MCC: variants seen among roughly 807,000 people sequenced by gnomAD.
The protein encoded by MCC is MCC regulator of Wnt signaling pathway.
MCC carries 90 observed loss-of-function variants against 116.2 expected under a neutral mutation model. That is an observed-to-expected ratio of 0.77 (90% CI 0.65 to 0.92). MCC has a LOEUF of 0.92. Ranked by LOEUF, MCC falls within the 40% of genes least tolerant of loss-of-function variation. MCC has a pLI of 0.00. For synonymous variants in MCC, 578 were observed against 510.5 expected, an observed-to-expected ratio of 1.13 and a Z score of -1.78; for missense variants, 1,516 against 1,312.2, an observed-to-expected ratio of 1.16 and a Z score of -2.40.
At chr5:113,428,906 T>C (rs1770550471) in intron 1 of MCC, 1 of 152,230 alleles carries the variant, frequency 6.6e-6, no homozygotes, top group South Asian at 2.1e-4. Context: ...CTAGGTTCAC[T>C]TATTTTAAAA....
intron 7 of MCC, among the ~76,000 whole-genome samples, chr5:113,102,241 C>T (rs1020194652): frequency 2.0e-5 from 3 of 152,204 alleles, no homozygotes; most frequent in Non-Finnish European, 4.4e-5. Context: ...GACACATCCA[C>T]ACAATGCTTA....
chr5:113,105,986 T>G (rs1756707385), intron 6 of MCC, among the ~76,000 whole-genome samples: 1 of 152,152 alleles, frequency 6.6e-6, no homozygotes, highest in Non-Finnish European at 1.5e-5. Context: ...CCAGACCAAT[T>G]AAATCACAAT....
chr5:113,382,270 CT>C (rs112153904), intron 2 of MCC, among the ~76,000 whole-genome samples: 2,698 of 136,154 alleles, frequency 0.02, 19 homozygotes, highest in Non-Finnish European at 0.027. Context: ...AATTATTGTC[CT>C]TTTTTTTTTT....
At chr5:113,393,004 T>C (rs531982888) in intron 1 of MCC, among the ~76,000 whole-genome samples, 32 of 152,136 alleles carry the variant, frequency 2.1e-4, no homozygotes, top group African/African-American at 7.7e-4. Context: ...AAGAATGACA[T>C]AAACAATATG....
intron 3 of MCC, among the ~76,000 whole-genome samples, chr5:113,275,406 T>C (rs191724095): frequency 8.4e-4 from 128 of 152,344 alleles, no homozygotes; most frequent in Non-Finnish European, 1.3e-4. Flanking sequence ...TCATTATTTA[T>C]AGGAAGTCAC....
At chr5:113,079,483 G>C (rs1341063265) in intron 11 of MCC, among the ~76,000 whole-genome samples, 1 of 152,150 alleles carries the variant, frequency 6.6e-6, no homozygotes, top group Non-Finnish European at 1.5e-5. Context: ...GAACAGAATA[G>C]AGCCCTCAGA....
chr5:113,126,872 G>A (rs1758082793), intron 5 of MCC, among the ~76,000 whole-genome samples: 1 of 152,026 alleles, frequency 6.6e-6, no homozygotes, highest in African/African-American at 2.4e-5. Context: ...ATATTGTTGG[G>A]GTTTTTTAAA....
chr5:113,225,757 G>C (rs1014933285), intron 3 of MCC, among the ~76,000 whole-genome samples: 1 of 152,212 alleles, frequency 6.6e-6, no homozygotes, highest in Non-Finnish European at 1.5e-5. Flanking sequence ...CCAGGAAGCA[G>C]TGAGAACAAT....
intron 3 of MCC, among the ~76,000 whole-genome samples, chr5:113,241,111 A>C (rs1764347120): frequency 6.6e-6 from 1 of 152,218 alleles, no homozygotes. Flanking sequence ...TAGTAATAAT[A>C]AGCTCTGAGC....
chr5:113,091,202 A>G (rs971902501), intron 8 of MCC, among the ~76,000 whole-genome samples: 9 of 152,216 alleles, frequency 5.9e-5, no homozygotes, highest in African/African-American at 1.9e-4. Flanking sequence ...CCAAATTTAT[A>G]CTATCTGCAT....
intron 2 of MCC, among the ~76,000 whole-genome samples, chr5:113,360,904 C>A (rs1212676495): frequency 6.6e-6 from 1 of 152,182 alleles, no homozygotes; most frequent in East Asian, 1.9e-4. Flanking sequence ...CCCTGGATGT[C>A]CTACTCCTGC....
chr5:113,487,136 C>T lies in MCC; in HGVS notation c.170+1109G>A, dbSNP rs79415445. On this transcript the variant is annotated intron_variant, in intron 1 of 18. Coordinates refer to ENST00000408903, the MANE Select transcript of MCC (RefSeq NM_001085377.2). ...ATTCACCTAAGAATGATCAAAATTG[C>T]GTTGAGTCCCAAATAAATAATTTTT... Among the ~76,000 whole-genome samples the T allele has an allele frequency of 8.4e-3, 1,277 of 151,410 alleles. 22 individuals carry two copies. Among genetic ancestry groups the T allele is most frequent in the African/African-American group, 0.03 (1,226 of 41,284 alleles).
At chr5:113,424,720 T>A (rs868765941) in intron 1 of MCC, among the ~76,000 whole-genome samples, 1 of 151,586 alleles carries the variant, frequency 6.6e-6, no homozygotes, top group South Asian at 2.1e-4. Context: ...CTCAAAAAAA[T>A]TTTTTTTAAA....
intron 15 of MCC, among the ~76,000 whole-genome samples, chr5:113,051,496 A>G (rs950467218): frequency 1.3e-5 from 2 of 152,212 alleles, no homozygotes; most frequent in African/African-American, 4.8e-5. Flanking sequence ...ACCTGGGTGG[A>G]TGACTTGAGC....
intron 3 of MCC, among the ~76,000 whole-genome samples, chr5:113,324,519 T>C (rs1462246177): frequency 6.6e-6 from 1 of 152,198 alleles, no homozygotes. Context: ...CCTATGCCCA[T>C]ATGTAAAATA....
intron 3 of MCC, among the ~76,000 whole-genome samples, chr5:113,215,576 G>T (rs1426875263): frequency 6.6e-6 from 1 of 152,114 alleles, no homozygotes; most frequent in African/African-American, 2.4e-5. Context: ...TGGCGGGGGA[G>T]GGCGGTTCGG....
chr5:113,333,817 G>GTATATATGTATATATGTACATATATA lies in MCC; in HGVS notation c.627+6701_627+6702insTATATATGTACATATATACATATATA, dbSNP rs1561527743. On this transcript the variant is annotated intron_variant, in intron 3 of 18. Transcript: ENST00000408903. The stretch of plus-strand genomic sequence containing the variant: ...TATATATATGTATATATGTATATAT[G>GTATATATGTATATATGTACATATATA]TACATATATGTATATATGTATATAT... Among the ~76,000 whole-genome samples the GTATATATGTATATATGTACATATATA allele has an allele frequency of 1.8e-5, 2 of 111,268 alleles. 1 individual carries two copies. The highest frequency in any genetic ancestry group is 8.4e-5 in the African/African-American group (2 of 23,676). 73.0% of individuals were successfully genotyped at this position (111,268 alleles called of 152,430 possible). A position where few individuals can be genotyped will look rare whatever the true frequency, so the allele number is the denominator to read the frequency against.
At chr5:113,087,733 AGTGGTCT>A (rs1755301889) in intron 8 of MCC, among the ~76,000 whole-genome samples, 1 of 151,398 alleles carries the variant, frequency 6.6e-6, no homozygotes, top group African/African-American at 2.4e-5. Context: ...CAAGACAATC[AGTGGTCT>A]GTTCTTAGAA....
At chr5:113,158,984 G>T (rs1184686683) in intron 3 of MCC, among the ~76,000 whole-genome samples, 1 of 152,124 alleles carries the variant, frequency 6.6e-6, no homozygotes, top group Non-Finnish European at 1.5e-5. Flanking sequence ...TGCACAGGCA[G>T]GGCTGAAGAC....
Sources: allele counts gnomAD v4.1 joint callset (sites outside exome capture counted in the v4.1 genomes callset), GRCh38; gene constraint gnomAD v4.1.1; transcripts MANE v1.5; gene names NCBI Gene and HGNC (gene_info 2026-07-23, HGNC 2026-07-21).